CMYA5: variants seen among roughly 807,000 people sequenced by gnomAD.
The protein encoded by CMYA5 is cardiomyopathy associated 5.
In CMYA5, 246 loss-of-function variants were observed where a neutral mutation model predicts 318.9. The ratio of observed to expected loss-of-function variants is 0.77; its 90% confidence interval spans 0.70 to 0.86. The LOEUF (loss-of-function observed/expected upper bound fraction) is 0.86. Ranked by LOEUF, CMYA5 falls within the 40% of genes least tolerant of loss-of-function variation. The probability of loss-of-function intolerance (pLI) is 0.00; values close to 1 mark genes in which losing one functional copy is unlikely to be tolerated. For missense variants in CMYA5, 4,589 were observed against 4,678.2 expected (o/e 0.98, Z 0.56); for synonymous variants, 1,641 against 1,729.5 (o/e 0.95, Z 1.27).
rs1341580421 is a variant in CMYA5, at chr5:79,732,754, G to A, written c.3989G>A (p.Gly1330Asp). ...GGAGTGGAAAAGCAAGTTGAACATG[G>A]TCCACCTGCACTAGCATTTTCAGCT... Reference protein sequence around the residue: ...SSGVEKQVEHGPPALAFSALS... With the variant: ...SSGVEKQVEHDPPALAFSALS... Residue 1330 changes from glycine to aspartate, a missense_variant, in exon 2 of 13, where the codon GGT becomes GAT. Physicochemically the swap from Gly to Asp is moderately conservative, Grantham distance 94. Coordinates refer to ENST00000446378, the MANE Select transcript of CMYA5 (RefSeq NM_153610.5). 2 of 1,613,686 alleles carry A rather than the reference G, an allele frequency of 1.2e-6. No individual in the cohort carries two copies. Among genetic ancestry groups the A allele is most frequent in the Non-Finnish European group, 1.7e-6 (2 of 1,179,806 alleles).
At chr5:79,786,727 T>C (rs1017664710) in intron 9 of CMYA5, among the ~76,000 whole-genome samples, 3 of 152,234 alleles carry the variant, frequency 2.0e-5, no homozygotes, top group Admixed American at 1.3e-4. Flanking sequence ...ACATGAAGAC[T>C]TTGGTGACAT....
At chr5:79,792,193 G>A (rs1195808341) in intron 11 of CMYA5, among the ~76,000 whole-genome samples, 1 of 152,172 alleles carries the variant, frequency 6.6e-6, no homozygotes, top group African/African-American at 2.4e-5. Context: ...TAACTTGTGG[G>A]GTCATTTGTC....
At position 79,731,149 on chromosome 5, in the gene CMYA5, C is replaced by G. The variant is rs1385593617; in HGVS notation, c.2384C>G (p.Ser795Ter). 6.2e-7 allele frequency: 1 copy of G among 1,613,980 alleles called. No homozygotes were observed. Among genetic ancestry groups the G allele is most frequent in the East Asian group, 2.2e-5 (1 of 44,876 alleles). Reference sequence around the variant, plus strand: ...GGAAGTGAACGTTTCACACCGGATTCAAAGTTGATCTCCAAATATGCAGCC... The same window carrying G: ...GGAAGTGAACGTTTCACACCGGATTGAAAGTTGATCTCCAAATATGCAGCC... ...DLGSERFTPD[S>*]KLISKYAAPL... The change falls in exon 2 of 13, where the codon TCA becomes TGA. Residue 795 changes from serine to a stop codon, truncating the protein, a stop_gained. Transcript: ENST00000446378. LOFTEE classifies it high-confidence loss of function.
At position 79,734,005 on chromosome 5, in the gene CMYA5, C is replaced by T. The variant is rs1469274561; in HGVS notation, c.5240C>T (p.Ser1747Phe). 4 of 1,613,512 alleles carry T rather than the reference C, an allele frequency of 2.5e-6. No individual in the cohort carries two copies. The African/African-American group carries it at 5.3e-5, about 22-fold the overall frequency. ...GAAGAATTTCAGCCATTTACTTTTT[C>T]TTTAAAAGGATTATCAGAGGAGGTT... is the stretch of plus-strand genomic sequence containing the variant. Reference protein sequence around the residue: ...NPEEFQPFTFSLKGLSEEVSH... With the variant: ...NPEEFQPFTFFLKGLSEEVSH... The change falls in exon 2 of 13, where the codon TCT (serine) becomes TTT (phenylalanine). Residue 1747 changes from serine to phenylalanine, a missense_variant. Around this residue, in one of 3 missense-constraint regions of CMYA5, gnomAD observed 2,132 missense variants for 2,131.3 expected, o/e 1.00. Transcript: ENST00000446378.
Position 79,729,233 on chromosome 5 carries a change from T to C in CMYA5, c.468T>C (p.Phe156=). The change falls in exon 2 of 13, where the codon TTT becomes TTC. Residue 156 remains phenylalanine, a synonymous_variant. Coordinates refer to ENST00000446378, the MANE Select transcript of CMYA5 (RefSeq NM_153610.5). ...RRKGNRKRNS[F]ESQDVPTNKK... ...AAGGCAACAGAAAAAGAAATTCTTT[T>C]GAATCCCAAGATGTTCCAACAAACA... The C allele has an allele frequency of 1.9e-6, 3 of 1,613,120 alleles. No individual in the cohort carries two copies. In the South Asian group the frequency reaches 3.3e-5, roughly 18 times the overall value.
At chr5:79,753,085 A>T (rs966627746) in intron 6 of CMYA5, among the ~76,000 whole-genome samples, 1 of 152,012 alleles carries the variant, frequency 6.6e-6, no homozygotes, top group Non-Finnish European at 1.5e-5. Context: ...ATTTAAAAAT[A>T]GGATTTCTCT....
intron 9 of CMYA5, among the ~76,000 whole-genome samples, chr5:79,770,631 C>G (rs1449634429): frequency 6.6e-6 from 1 of 152,104 alleles, no homozygotes; most frequent in Non-Finnish European, 1.5e-5. Flanking sequence ...CTGAGATGAG[C>G]TGGGTACCTC....
At position 79,732,082 on chromosome 5, in the gene CMYA5, A is replaced by T. The variant is rs1161961313; in HGVS notation, c.3317A>T (p.Tyr1106Phe). The T allele has an allele frequency of 6.2e-7, 1 of 1,613,850 alleles. No homozygotes were observed. Among genetic ancestry groups the T allele is most frequent in the Non-Finnish European group, 8.5e-7 (1 of 1,179,864 alleles). ...ACAACCTCAACATCTGTATCTGAAT[A>T]TCTCATTTTGGCACAGAAGCAGAAA... is the stretch of plus-strand genomic sequence containing the variant. Reference protein sequence around the residue: ...IPTTSTSVSEYLILAQKQKTQ... With the variant: ...IPTTSTSVSEFLILAQKQKTQ... Residue 1106 changes from tyrosine to phenylalanine, a missense_variant, in exon 2 of 13, where the codon TAT (tyrosine) becomes TTT (phenylalanine). Tyr to Phe is a conservative substitution (Grantham distance 22, BLOSUM62 3). Coordinates refer to ENST00000446378, the MANE Select transcript of CMYA5 (RefSeq NM_153610.5).
intron 1 of CMYA5, among the ~76,000 whole-genome samples, chr5:79,701,676 C>A (rs1827177061): frequency 1.3e-5 from 2 of 152,120 alleles, no homozygotes. Flanking sequence ...AACAGTTAAA[C>A]ATAGAGTTAC....
intron 1 of CMYA5, among the ~76,000 whole-genome samples, chr5:79,701,048 C>A (rs1445420961): frequency 2.1e-5 from 3 of 145,346 alleles, no homozygotes; most frequent in African/African-American, 7.8e-5. Flanking sequence ...AGTTCAAGAC[C>A]AACCTGGCCA....
In CMYA5 at chr5:79,732,047, A is replaced by G. The variant is rs759824599; in HGVS notation, c.3282A>G (p.Pro1094=). 2.5e-6 allele frequency: 4 copies of G among 1,613,990 alleles called. No individual in the cohort carries two copies. Among genetic ancestry groups the G allele is most frequent in the Non-Finnish European group, 3.4e-6 (4 of 1,179,876 alleles). ...TDKSEKAEIK[P]EIPTTSTSVS... ...AATCAGAGAAAGCAGAAATTAAGCC[A>G]GAGATTCCAACAACCTCAACATCTG... Residue 1094 remains proline (P), a synonymous_variant, in exon 2 of 13, where the codon CCA becomes CCG. Coordinates refer to ENST00000446378, the MANE Select transcript of CMYA5 (RefSeq NM_153610.5).
chr5:79,719,219 G>C (rs1827573748), intron 1 of CMYA5, among the ~76,000 whole-genome samples: 1 of 152,116 alleles, frequency 6.6e-6, no homozygotes, highest in Non-Finnish European at 1.5e-5. Flanking sequence ...CTCTTTAAAA[G>C]TTCAATTTGT....
At position 79,733,719 on chromosome 5, in the gene CMYA5, A is replaced by G; in HGVS notation, c.4954A>G (p.Ile1652Val). The G allele has an allele frequency of 1.1e-5, 18 of 1,613,914 alleles. No homozygotes were observed. Among genetic ancestry groups the G allele is most frequent in the Non-Finnish European group, 1.5e-5 (18 of 1,179,848 alleles). ...SSDLGRQSGS[I>V]GTKQAKSPIT... ...TGATTTAGGTAGACAAAGTGGATCC[A>G]TAGGTACAAAACAAGCAAAGTCTCC... Residue 1652 changes from isoleucine to valine, a missense_variant, in exon 2 of 13, where the codon ATA (isoleucine) becomes GTA (valine). Ile to Val is a conservative substitution (Grantham distance 29). Coordinates refer to ENST00000446378, the MANE Select transcript of CMYA5 (RefSeq NM_153610.5).
At chr5:79,745,490 C>G in intron 4 of CMYA5, 35 bp downstream of exon 4, 1 of 1,369,644 alleles carries the variant, frequency 7.3e-7, no homozygotes, top group Non-Finnish European at 1.0e-6. Flanking sequence ...AAACACCTTG[C>G]GCCCACTCTG....
In CMYA5 at chr5:79,729,244, A is replaced by G; in HGVS notation, c.479A>G (p.Asp160Gly). ...NRKRNSFESQ[D>G]VPTNKKGSPL... ...AAAAGAAATTCTTTTGAATCCCAAG[A>G]TGTTCCAACAAACAAAAAAGGCAGT... The change falls in exon 2 of 13, where the codon GAT (aspartate) becomes GGT (glycine). Residue 160 changes from aspartate (D) to glycine (G), a missense_variant. Around this residue, in one of 3 missense-constraint regions of CMYA5, gnomAD observed 2,132 missense variants for 2,131.3 expected, o/e 1.00. Transcript: ENST00000446378. 1 of 1,612,290 alleles carries G rather than the reference A, an allele frequency of 6.2e-7. No individual in the cohort carries two copies. Among genetic ancestry groups the G allele is most frequent in the Non-Finnish European group, 8.5e-7 (1 of 1,179,484 alleles).
In CMYA5 at chr5:79,730,767, C is replaced by G; in HGVS notation, c.2002C>G (p.Leu668Val). ...TEKTSENQSP[L>V]FSTVTPEYMV... is the part of the protein sequence containing the mutation. Reference sequence around the variant, plus strand: ...GAAGACTTCAGAGAACCAGTCTCCACTGTTTTCAACAGTTACACCAGAATA... The same window carrying G: ...GAAGACTTCAGAGAACCAGTCTCCAGTGTTTTCAACAGTTACACCAGAATA... The change falls in exon 2 of 13, where the codon CTG becomes GTG. Residue 668 changes from leucine to valine, a missense_variant. Coordinates refer to ENST00000446378, the MANE Select transcript of CMYA5 (RefSeq NM_153610.5). 1 of 1,613,900 alleles carries G rather than the reference C, an allele frequency of 6.2e-7. No homozygotes were observed. Among genetic ancestry groups the G allele is most frequent in the Non-Finnish European group, 8.5e-7 (1 of 1,179,848 alleles).
At chr5:79,772,365 G>A (rs1828871880) in intron 9 of CMYA5, among the ~76,000 whole-genome samples, 1 of 152,166 alleles carries the variant, frequency 6.6e-6, no homozygotes, top group African/African-American at 2.4e-5. Flanking sequence ...TTGCACATGC[G>A]AAGCCCTGTT....
At chr5:79,724,582 T>A (rs1340741523) in intron 1 of CMYA5, among the ~76,000 whole-genome samples, 2 of 152,170 alleles carry the variant, frequency 1.3e-5, no homozygotes, top group African/African-American at 2.4e-5. Context: ...TAGATAAATC[T>A]ATGTGGGATG....
Position 79,733,465 on chromosome 5 carries a change from C to A in CMYA5, c.4700C>A (p.Ala1567Glu), listed in dbSNP as rs1428223. ...IIPKGKDEET[A>E]SSSPELENLA... ...CCAAAAGGCAAAGATGAGGAAACAG[C>A]AAGTTCATCTCCTGAGTTGGAAAAT... Residue 1567 changes from alanine (A) to glutamate (E), a missense_variant, in exon 2 of 13, where the codon GCA becomes GAA. Ala to Glu is a moderately radical substitution (Grantham distance 107). Coordinates refer to ENST00000446378, the MANE Select transcript of CMYA5 (RefSeq NM_153610.5). 191,690 of 1,613,612 alleles carry A rather than the reference C, an allele frequency of 0.12. 21,739 individuals are homozygous for A. Among genetic ancestry groups the A allele is most frequent in the African/African-American group, 0.53 (39,556 of 74,880 alleles).
Sources: allele counts gnomAD v4.1 joint callset (sites outside exome capture counted in the v4.1 genomes callset), GRCh38; gene constraint gnomAD v4.1.1; regional missense constraint gnomAD v4.1.1; transcripts MANE v1.5; gene names NCBI Gene and HGNC (gene_info 2026-07-23, HGNC 2026-07-21).